The following LRP1B variants were observed in gnomAD, a reference collection of about 807,000 sequenced individuals.
The protein encoded by LRP1B is low-density lipoprotein receptor-related protein 1B.
A neutral mutation model predicts 556.6 loss-of-function variants in LRP1B; 217 were observed. The ratio of observed to expected loss-of-function variants is 0.39; its 90% CI spans 0.35 to 0.44. The LOEUF (loss-of-function observed/expected upper bound fraction) is 0.44. Ranked by LOEUF, LRP1B falls within the 20% of genes least tolerant of loss-of-function variation. LRP1B has a pLI of 1.00. For synonymous variants in LRP1B, 2,047 were observed against 1,865.8 expected (o/e 1.10, Z -2.50); for missense variants, 5,053 against 5,620.8 (o/e 0.90, Z 3.23).
At chr2:140,715,125 G>T (rs1314948383) in intron 37 of LRP1B, among the ~76,000 whole-genome samples, 1 of 152,042 alleles carries the variant, frequency 6.6e-6, no homozygotes, top group Admixed American at 6.6e-5. Context: ...AAAGGAAAAA[G>T]AGAGTAACAG....
intron 17 of LRP1B, among the ~76,000 whole-genome samples, chr2:140,988,676 T>C (rs1697001126): frequency 6.6e-6 from 1 of 152,182 alleles, no homozygotes; most frequent in African/African-American, 2.4e-5. Flanking sequence ...CTCTAGAGGT[T>C]GCCCTGTATT....
intron 47 of LRP1B, among the ~76,000 whole-genome samples, chr2:140,533,776 G>A (rs1220480620): frequency 6.6e-6 from 1 of 152,122 alleles, no homozygotes; most frequent in Non-Finnish European, 1.5e-5. Context: ...CCAGGAAGGT[G>A]GAACTGAAGA....
At chr2:141,733,519 A>G (rs1368012729) in intron 2 of LRP1B, among the ~76,000 whole-genome samples, 1 of 152,098 alleles carries the variant, frequency 6.6e-6, no homozygotes, top group Non-Finnish European at 1.5e-5. Context: ...TCATATGCAA[A>G]TCTTGTCATT....
At chr2:140,938,111 C>G (rs1559205923) in intron 20 of LRP1B, among the ~76,000 whole-genome samples, 2 of 151,952 alleles carry the variant, frequency 1.3e-5, no homozygotes, top group African/African-American at 4.8e-5. Flanking sequence ...CCATTATATA[C>G]TTATAAGGAT....
At chr2:140,847,783 A>T (rs1692320373) in intron 29 of LRP1B, among the ~76,000 whole-genome samples, 1 of 151,878 alleles carries the variant, frequency 6.6e-6, no homozygotes, top group East Asian at 1.9e-4. Context: ...AAAAGAAGAA[A>T]GAAAAGAAAA....
At chr2:140,619,573 A>G (rs1683381092) in intron 41 of LRP1B, among the ~76,000 whole-genome samples, 1 of 152,198 alleles carries the variant, frequency 6.6e-6, no homozygotes, top group Non-Finnish European at 1.5e-5. Flanking sequence ...TGAGTGACCA[A>G]GTGGGAGTCC....
intron 32 of LRP1B, among the ~76,000 whole-genome samples, chr2:140,812,167 C>T (rs958070315): frequency 2.6e-5 from 4 of 152,220 alleles, no homozygotes; most frequent in African/African-American, 7.2e-5. Flanking sequence ...ACTAGGGAAA[C>T]GTAGAGAGTG....
chr2:141,047,937 C>A (rs900380386), intron 11 of LRP1B, among the ~76,000 whole-genome samples: 1 of 152,056 alleles, frequency 6.6e-6, no homozygotes, highest in African/African-American at 2.4e-5. Flanking sequence ...TCTCTTGCTT[C>A]CTGTGAATAT....
intron 3 of LRP1B, among the ~76,000 whole-genome samples, chr2:141,271,790 G>GATTGATAA (rs1685103607): frequency 6.7e-6 from 1 of 149,616 alleles, no homozygotes; most frequent in Admixed American, 6.7e-5. Flanking sequence ...AAAAACCCAG[G>GATTGATAA]ATTGATAATG....
At chr2:140,445,370 G>GGCAC (rs1349012599) in intron 63 of LRP1B, among the ~76,000 whole-genome samples, 4 of 151,904 alleles carry the variant, frequency 2.6e-5, no homozygotes, top group African/African-American at 9.7e-5. Flanking sequence ...GCCCCCCTCG[G>GGCAC]GCACCAAGTT....
intron 2 of LRP1B, among the ~76,000 whole-genome samples, chr2:141,642,228 A>G (rs1350165769): frequency 1.3e-5 from 2 of 152,182 alleles, no homozygotes; most frequent in Non-Finnish European, 2.9e-5. Flanking sequence ...TTAACTTCAC[A>G]AAATTAAACA....
At position 140,325,884 on chromosome 2, in the gene LRP1B, A is replaced by AAATCAACACACACAAG; in HGVS notation, c.12224-22_12224-7dup. On this transcript the variant is annotated splice_region_variant and splice_polypyrimidine_tract_variant and intron_variant, in intron 79 of 90. Coordinates refer to ENST00000389484, the MANE Select transcript of LRP1B (RefSeq NM_018557.3). ...AAAATAATCCACAGCCAAACCTGCA[A>AAATCAACACACACAAG]AATCAACACACACAAGACAAATAGT... 6.5e-7 allele frequency: 1 copy of AAATCAACACACACAAG among 1,540,278 alleles called. No individual in the cohort carries two copies. The highest frequency in any genetic ancestry group is 9.0e-7 in the Non-Finnish European group (1 of 1,114,454).
At position 141,119,670 on chromosome 2, in the gene LRP1B, T is replaced by A. The variant is rs1312227183; in HGVS notation, c.1014-57397A>T. The stretch of plus-strand genomic sequence containing the variant: ...CAAAAATAACTAATGCATGTCTTGA[T>A]AACATTTTAAAGACAAAAACATCCT... On this transcript the variant is annotated intron_variant, in intron 7 of 90. Coordinates refer to ENST00000389484, the MANE Select transcript of LRP1B (RefSeq NM_018557.3). Among the ~76,000 whole-genome samples the A allele has an allele frequency of 2.0e-5, 3 of 151,802 alleles. No individual in the cohort carries two copies. In the East Asian group the frequency reaches 5.8e-4, roughly 29 times the overall value.
chr2:140,859,970 G>C (rs1402903681), intron 27 of LRP1B, among the ~76,000 whole-genome samples: 1 of 151,996 alleles, frequency 6.6e-6, no homozygotes, highest in East Asian at 1.9e-4. Flanking sequence ...ACTCCAGCCT[G>C]GGTGAAAGAG....
At chr2:141,705,464 G>T (rs1360694509) in intron 2 of LRP1B, among the ~76,000 whole-genome samples, 1 of 151,900 alleles carries the variant, frequency 6.6e-6, no homozygotes, top group Non-Finnish European at 1.5e-5. Flanking sequence ...CATGAAGGTA[G>T]GTCACTCTAC....
chr2:141,817,026 T>C (rs1424475880), intron 1 of LRP1B, among the ~76,000 whole-genome samples: 1 of 152,162 alleles, frequency 6.6e-6, no homozygotes, highest in Non-Finnish European at 1.5e-5. Context: ...AAACATTAGT[T>C]ATAGGAGTCA....
chr2:141,542,767 G>A (rs1685306123), intron 2 of LRP1B, among the ~76,000 whole-genome samples: 1 of 152,120 alleles, frequency 6.6e-6, no homozygotes, highest in Non-Finnish European at 1.5e-5. Flanking sequence ...AGGCAAGTGT[G>A]GATGACCTTT....
intron 18 of LRP1B, among the ~76,000 whole-genome samples, chr2:140,959,552 GAAGT>G (rs528753930): frequency 5.3e-4 from 80 of 151,536 alleles, no homozygotes; most frequent in African/African-American, 1.6e-3. Flanking sequence ...TTTATCCCAA[GAAGT>G]AATTAAGAAA....
At chr2:140,317,995 A>C (rs13009775) in intron 82 of LRP1B, among the ~76,000 whole-genome samples, 52,097 of 151,236 alleles carry the variant, frequency 0.34, 9,513 homozygotes, top group Non-Finnish European at 0.42. Context: ...AGCAATTATA[A>C]TCAACTATAG....
Sources: allele counts gnomAD v4.1 joint callset (sites outside exome capture counted in the v4.1 genomes callset), GRCh38; gene constraint gnomAD v4.1.1; transcripts MANE v1.5; gene names NCBI Gene and HGNC (gene_info 2026-07-23, HGNC 2026-07-21).